LUZP2: variants seen among roughly 807,000 people sequenced by gnomAD.
The protein encoded by LUZP2 is leucine zipper protein 2.
In LUZP2, 52 loss-of-function variants were observed where a neutral mutation model predicts 51.6. That is an observed-to-expected ratio of 1.01 (90% CI 0.81 to 1.27). LUZP2 has a LOEUF of 1.27. Ranked by LOEUF, LUZP2 falls within the 50% of genes most tolerant of loss-of-function variation. LUZP2 has a pLI of 0.00. For synonymous variants in LUZP2, 154 were observed against 137.3 expected (o/e 1.12, Z -0.85); for missense variants, 436 against 395.4 (o/e 1.10, Z -0.87).
At chr11:24,915,584 T>A (rs1174678931) in intron 7 of LUZP2, among the ~76,000 whole-genome samples, 1 of 152,086 alleles carries the variant, frequency 6.6e-6, no homozygotes, top group African/African-American at 2.4e-5. Flanking sequence ...CTGTTTCTTT[T>A]ACAGATAAGT....
intron 1 of LUZP2, among the ~76,000 whole-genome samples, chr11:24,564,871 C>T (rs532139928): frequency 5.9e-5 from 9 of 151,768 alleles, no homozygotes; most frequent in South Asian, 2.1e-4. Context: ...TTGATTCTTA[C>T]GAGTTTGAAA....
intron 5 of LUZP2, among the ~76,000 whole-genome samples, chr11:24,881,034 G>A (rs1852449992): frequency 6.6e-6 from 1 of 152,252 alleles, no homozygotes; most frequent in African/African-American, 2.4e-5. Context: ...TTTGGAGACA[G>A]AAGATCTGAT....
At chr11:24,970,049 C>T (rs1203338483) in intron 7 of LUZP2, among the ~76,000 whole-genome samples, 4 of 152,246 alleles carry the variant, frequency 2.6e-5, no homozygotes, top group Non-Finnish European at 1.5e-5. Flanking sequence ...ATTATAAAAT[C>T]TGTTAGAATT....
intron 1 of LUZP2, among the ~76,000 whole-genome samples, chr11:24,724,060 C>T (rs1458246948): frequency 6.6e-6 from 1 of 151,926 alleles, no homozygotes; most frequent in Non-Finnish European, 1.5e-5. Context: ...GAATGGGTGC[C>T]GTCAAAGAAA....
chr11:25,020,808 A>G lies in LUZP2; in HGVS notation c.766-29230A>G, dbSNP rs79523396. Among the ~76,000 whole-genome samples the G allele has an allele frequency of 6.8e-3, 1,032 of 152,098 alleles. 35 individuals carry two copies. The East Asian group carries it at 0.099, about 15-fold the overall frequency. ...TAATTTAATAACTTAAAATTATTCAATTGATTGTATTCTGCTATGATAGAT... is the reference window on the plus strand; with the variant it reads ...TAATTTAATAACTTAAAATTATTCAGTTGATTGTATTCTGCTATGATAGAT... On this transcript the variant is annotated intron_variant, in intron 9 of 11. Coordinates refer to ENST00000336930, the MANE Select transcript of LUZP2 (RefSeq NM_001009909.4).
intron 5 of LUZP2, among the ~76,000 whole-genome samples, chr11:24,789,065 G>C (rs1027006940): frequency 2.6e-5 from 4 of 152,080 alleles, no homozygotes; most frequent in African/African-American, 7.2e-5. Context: ...AAAACAGAAG[G>C]CTTCCATGCT....
At chr11:24,722,008 T>TA (rs1181498673) in intron 1 of LUZP2, among the ~76,000 whole-genome samples, 2 of 152,146 alleles carry the variant, frequency 1.3e-5, no homozygotes, top group East Asian at 1.9e-4. Flanking sequence ...AATTTATTTA[T>TA]AAAAAATGGC....
intron 10 of LUZP2, among the ~76,000 whole-genome samples, chr11:25,058,741 C>G (rs968149062): frequency 3.3e-5 from 5 of 152,214 alleles, no homozygotes. Context: ...ACTTTCCTCC[C>G]TTCCCCTCGA....
intron 1 of LUZP2, among the ~76,000 whole-genome samples, chr11:24,497,895 G>A (rs1849875753): frequency 6.6e-6 from 1 of 152,232 alleles, no homozygotes; most frequent in African/African-American, 2.4e-5. Flanking sequence ...AAAGAGCACA[G>A]AAGGCGATTA....
At chr11:24,587,157 T>C (rs927331162) in intron 1 of LUZP2, among the ~76,000 whole-genome samples, 3 of 152,108 alleles carry the variant, frequency 2.0e-5, no homozygotes, top group Non-Finnish European at 2.9e-5. Context: ...AGCATAAACA[T>C]AGATGTACGT....
rs926700864 is a variant in LUZP2 at position 24,722,792 on chromosome 11, C to G, written c.63-6377C>G. Among the ~76,000 whole-genome samples, 7 of 151,892 alleles carry G rather than the reference C, an allele frequency of 4.6e-5. No homozygotes were observed. In the South Asian group the frequency reaches 1.5e-3, roughly 32 times the overall value. On this transcript the variant is annotated intron_variant, in intron 1 of 11. Transcript: ENST00000336930. ...ATTAGCTGGGCGTGGGGGTGCATGC[C>G]TGTAATCTCAGCTACTTGGGAGGCT... is the stretch of plus-strand genomic sequence containing the variant.
chr11:24,914,687 A>G, intron 7 of LUZP2, 149 bp downstream of exon 7: 1 of 616,590 alleles, frequency 1.6e-6, no homozygotes, highest in Non-Finnish European at 2.8e-6. Flanking sequence ...TTTTCTTGAC[A>G]ACTTAATTAA....
At chr11:24,780,715 A>C (rs373681033) in intron 5 of LUZP2, among the ~76,000 whole-genome samples, 1 of 152,064 alleles carries the variant, frequency 6.6e-6, no homozygotes, top group African/African-American at 2.4e-5. Flanking sequence ...AATTTGAACA[A>C]CTGTCTTGTT....
In LUZP2 at chr11:24,881,548, G is replaced by T. The variant is rs372179582; in HGVS notation, c.397-24443G>T. On this transcript the variant is annotated intron_variant, in intron 5 of 11. Coordinates refer to ENST00000336930, the MANE Select transcript of LUZP2 (RefSeq NM_001009909.4). ...TGAGCCACTTGAATAATCAGAGGAAGTTGAAAGTATTCTGATTACTCAAAT... is the reference window on the plus strand; with the variant it reads ...TGAGCCACTTGAATAATCAGAGGAATTTGAAAGTATTCTGATTACTCAAAT... 9.9e-5 allele frequency among the ~76,000 whole-genome samples: 15 copies of T among 152,096 alleles called. No homozygotes were observed. In the East Asian group the frequency reaches 2.3e-3, roughly 24 times the overall value.
At chr11:25,072,471 G>T (rs1026890822) in intron 10 of LUZP2, among the ~76,000 whole-genome samples, 1 of 151,956 alleles carries the variant, frequency 6.6e-6, no homozygotes, top group East Asian at 1.9e-4. Flanking sequence ...GGATAACAAA[G>T]GTAATTTATT....
chr11:24,567,204 A>G (rs1852276764), intron 1 of LUZP2, among the ~76,000 whole-genome samples: 1 of 151,376 alleles, frequency 6.6e-6, no homozygotes, highest in Non-Finnish European at 1.5e-5. Flanking sequence ...CCTAAATGAA[A>G]TAAAATTGGT....
chr11:24,819,559 G>GT (rs984706581), intron 5 of LUZP2, among the ~76,000 whole-genome samples: 16 of 151,858 alleles, frequency 1.1e-4, no homozygotes, highest in African/African-American at 3.9e-4. Context: ...AAACTTTTCT[G>GT]TTTTTTGAAA....
intron 4 of LUZP2, among the ~76,000 whole-genome samples, chr11:24,760,455 G>C (rs914154620): frequency 6.6e-6 from 1 of 152,018 alleles, no homozygotes; most frequent in Non-Finnish European, 1.5e-5. Flanking sequence ...CTACCTAATG[G>C]ACAATGAGGA....
At chr11:25,006,249 G>C (rs1423807253) in intron 9 of LUZP2, among the ~76,000 whole-genome samples, 2 of 152,174 alleles carry the variant, frequency 1.3e-5, no homozygotes, top group East Asian at 1.9e-4. Context: ...AGCAGGACTA[G>C]TCTTGGAGAA....
Sources: gnomAD v4.1 joint callset for allele counts (sites outside exome capture counted in the v4.1 genomes callset) on GRCh38, gnomAD v4.1.1 for gene constraint, MANE v1.5 for transcripts, NCBI Gene and HGNC (gene_info 2026-07-23, HGNC 2026-07-21) for gene names.